FRY: variants seen among roughly 807,000 people sequenced by gnomAD.
FRY encodes protein furry homolog.
Under a neutral mutation model 348.4 loss-of-function variants are expected in FRY, and 128 were observed. The ratio of observed to expected loss-of-function variants is 0.37; its 90% confidence interval spans 0.32 to 0.43. The LOEUF (loss-of-function observed/expected upper bound fraction) is 0.43. Among genes scored for constraint, FRY ranks in the 20% least tolerant of loss-of-function variants. The pLI, the probability that FRY is intolerant of heterozygous loss-of-function variation, is 1.00. For synonymous variants in FRY, 1,370 were observed against 1,374.7 expected (o/e 1.00, Z 0.08); for missense variants, 2,736 against 3,695.2 (o/e 0.74, Z 6.73).
chr13:32,241,928 G>A lies in FRY; in HGVS notation c.6687+2047G>A, dbSNP rs74044951. 2.8e-3 allele frequency among the ~76,000 whole-genome samples: 423 copies of A among 152,266 alleles called. 2 individuals carry two copies. The highest frequency in any genetic ancestry group is 9.6e-3 in the African/African-American group (400 of 41,528). ...ACACATTCTTTCAGGTCTTGGCTAT[G>A]CACATACATATAATTTTGTGTCACT... is the stretch of plus-strand genomic sequence containing the variant. On this transcript the variant is annotated intron_variant, in intron 46 of 60. Transcript: ENST00000542859.
chr13:32,231,263 A>G lies in FRY; in HGVS notation c.5490A>G (p.Leu1830=), dbSNP rs1452332025. 2.5e-6 allele frequency: 4 copies of G among 1,613,574 alleles called. No homozygotes were observed. Among genetic ancestry groups the G allele is most frequent in the East Asian group, 4.5e-5 (2 of 44,872 alleles). ...SKSAEQLTNF[L]RHVVSVFKDS... The stretch of plus-strand genomic sequence containing the variant: ...GTGCTGAACAGCTCACTAATTTTCT[A>G]CGTCACGTTGTATCTGTATTTAAAG... Residue 1830 remains leucine, a synonymous_variant, in exon 41 of 61, where the codon CTA becomes CTG. Transcript: ENST00000542859.
chr13:32,295,188 C>G lies in FRY; in HGVS notation c.8784-14C>G. On this transcript the variant is annotated splice_polypyrimidine_tract_variant and intron_variant, in intron 60 of 60. Transcript: ENST00000542859. ...AATAGTGCCTCTAATCTGTGCTGTT[C>G]TTTTTGACTGCAGAAGTCTGTGGCC... is the stretch of plus-strand genomic sequence containing the variant. The G allele has an allele frequency of 6.2e-7, 1 of 1,613,446 alleles. No individual in the cohort carries two copies. The highest frequency in any genetic ancestry group is 1.1e-5 in the South Asian group (1 of 91,082).
At position 32,297,461 on chromosome 13, in the gene FRY, C is replaced by T. The variant is rs1348318795; in HGVS notation, c.*2001C>T. 6.6e-6 allele frequency: 1 copy of T among 150,670 alleles called. No homozygotes were observed. The highest frequency in any genetic ancestry group is 1.5e-5 in the Non-Finnish European group (1 of 67,712). The allele number at this position is 150,670 out of a possible 1,614,324, so 9.3% of individuals were successfully genotyped here. On this transcript the variant is annotated 3_prime_UTR_variant, in exon 61 of 61. Coordinates refer to ENST00000542859, the MANE Select transcript of FRY (RefSeq NM_023037.3). ...CTGAGTTTTCTACCATGGCTTCTTA[C>T]CCAGCAGAGAACCACCGTGATGGTT...
intron 23 of FRY, among the ~76,000 whole-genome samples, chr13:32,180,618 C>T (rs1476400990): frequency 6.6e-6 from 1 of 152,140 alleles, no homozygotes; most frequent in Non-Finnish European, 1.5e-5. Context: ...TTCACATTTG[C>T]AATCAAATAA....
At chr13:32,217,046 A>C (rs1490553272) in intron 35 of FRY, among the ~76,000 whole-genome samples, 2 of 152,222 alleles carry the variant, frequency 1.3e-5, no homozygotes, top group African/African-American at 4.8e-5. Flanking sequence ...TTAATGGTAC[A>C]TCCAGGAGTT....
rs184188554 is a variant in FRY, at chr13:32,036,380, C to T, written c.70+4515C>T. On this transcript the variant is annotated intron_variant, in intron 1 of 60. Transcript: ENST00000542859. ...GGGTCACTTCTGCTAACGTAGTTTA[C>T]AGCTCTAAGGAAAAATAAAACCCCA... 2.5e-3 allele frequency among the ~76,000 whole-genome samples: 376 copies of T among 152,290 alleles called. 2 individuals carry two copies. Among genetic ancestry groups the T allele is most frequent in the African/African-American group, 8.7e-3 (361 of 41,552 alleles).
chr13:32,168,232 T>C (rs1454271923), intron 17 of FRY, among the ~76,000 whole-genome samples: 2 of 152,182 alleles, frequency 1.3e-5, no homozygotes, highest in Non-Finnish European at 2.9e-5. Flanking sequence ...CACAGTCTGC[T>C]GTAGAACCAG....
chr13:32,191,439 A>G (rs994654559), intron 28 of FRY, among the ~76,000 whole-genome samples: 3 of 152,186 alleles, frequency 2.0e-5, no homozygotes, highest in Admixed American at 2.0e-4. Context: ...AATAAATAAG[A>G]TAAATACAGA....
chr13:32,090,280 G>A (rs370844059), intron 2 of FRY, among the ~76,000 whole-genome samples: 1 of 149,976 alleles, frequency 6.7e-6, no homozygotes, highest in East Asian at 2.0e-4. Flanking sequence ...CCCGGAAGTC[G>A]GAGGTTGCAG....
Position 32,296,468 on chromosome 13 carries a change from C to T in FRY, c.*1008C>T, listed in dbSNP as rs553173985. The T allele has an allele frequency of 1.3e-5, 2 of 152,650 alleles. No homozygotes were observed. Among genetic ancestry groups the T allele is most frequent in the Middle Eastern group, 3.4e-3 (1 of 294 alleles). 9.5% of individuals were successfully genotyped at this position (152,650 alleles called of 1,614,324 possible). On this transcript the variant is annotated 3_prime_UTR_variant, in exon 61 of 61. Transcript: ENST00000542859. Reference sequence around the variant, plus strand: ...GTTCTCTCCTTAAACTTAATGCTGTCAAGTGTTAGATGTGTGCATGTGAAC... The same window carrying T: ...GTTCTCTCCTTAAACTTAATGCTGTTAAGTGTTAGATGTGTGCATGTGAAC...
At chr13:32,102,039 A>G in intron 3 of FRY, 23 bp downstream of exon 3, 2 of 1,388,166 alleles carry the variant, frequency 1.4e-6, no homozygotes, top group Non-Finnish European at 2.1e-6. Context: ...TATGTTATAT[A>G]CTAGTTTTCC....
intron 58 of FRY, among the ~76,000 whole-genome samples, chr13:32,286,531 A>G (rs1420106563): frequency 6.6e-6 from 1 of 151,930 alleles, no homozygotes; most frequent in East Asian, 1.9e-4. Context: ...GCGGATCACA[A>G]GGTCAGGAGA....
At chr13:32,138,150 T>C (rs540668250) in intron 11 of FRY, among the ~76,000 whole-genome samples, 79 of 152,046 alleles carry the variant, frequency 5.2e-4, no homozygotes, top group Non-Finnish European at 8.1e-4. Context: ...TTTTTGTTTT[T>C]TTTTTGAGGA....
In FRY at chr13:32,179,661, T is replaced by C; in HGVS notation, c.2872-14T>C. The C allele has an allele frequency of 6.2e-7, 1 of 1,613,870 alleles. No homozygotes were observed. Among genetic ancestry groups the C allele is most frequent in the Non-Finnish European group, 8.5e-7 (1 of 1,179,810 alleles). The stretch of plus-strand genomic sequence containing the variant: ...CATGTTACCTCTTTTTCACTTGTAT[T>C]CAACTTATTTCAGGCCATAGGCACC... On this transcript the variant is annotated splice_polypyrimidine_tract_variant and intron_variant, in intron 22 of 60. Transcript: ENST00000542859.
At chr13:32,251,453 A>G (rs192118876) in intron 49 of FRY, among the ~76,000 whole-genome samples, 12 of 152,330 alleles carry the variant, frequency 7.9e-5, no homozygotes, top group Non-Finnish European at 1.6e-4. Flanking sequence ...AGTTTAACAT[A>G]TAAGAAAAGA....
At chr13:32,075,151 A>C (rs562314591) in intron 1 of FRY, among the ~76,000 whole-genome samples, 1 of 152,328 alleles carries the variant, frequency 6.6e-6, no homozygotes, top group Admixed American at 6.5e-5. Flanking sequence ...TTGAGAGCTA[A>C]ATTCTTAGAG....
At chr13:32,274,756 A>G (rs902587875) in intron 55 of FRY, 86 bp from the exon 56 acceptor site, 105 of 928,882 alleles carry the variant, frequency 1.1e-4, no homozygotes, top group Non-Finnish European at 1.7e-4. Flanking sequence ...GAATATAAAA[A>G]AAGAAGCTAC....
intron 28 of FRY, among the ~76,000 whole-genome samples, chr13:32,189,305 C>G (rs1481015279): frequency 2.6e-5 from 4 of 152,020 alleles, no homozygotes; most frequent in African/African-American, 9.7e-5. Flanking sequence ...CATGTTATAA[C>G]AAGTTAGCAC....
chr13:32,205,591 G>C (rs1884307534), intron 31 of FRY, among the ~76,000 whole-genome samples: 2 of 152,180 alleles, frequency 1.3e-5, no homozygotes, highest in African/African-American at 4.8e-5. Context: ...TCATTATCTT[G>C]GAAGGCCTTG....
Sources: allele counts gnomAD v4.1 joint callset (sites outside exome capture counted in the v4.1 genomes callset), GRCh38; gene constraint gnomAD v4.1.1; transcripts MANE v1.5; gene names NCBI Gene and HGNC (gene_info 2026-07-23, HGNC 2026-07-21).